The following ATXN2 variants were observed in gnomAD, a reference collection of about 807,000 sequenced individuals.
ATXN2 encodes the protein ataxin 2.
ATXN2 carries 37 observed loss-of-function variants against 138.6 expected under a neutral mutation model. The ratio of observed to expected loss-of-function variants is 0.27; its 90% CI spans 0.21 to 0.35. The LOEUF is 0.35. ATXN2 is among the 10% of genes least tolerant of loss of function. The pLI is 1.00. For missense variants in ATXN2, 1,216 were observed against 1,480.3 expected, an observed-to-expected ratio of 0.82 and a Z score of 2.93; for synonymous variants, 549 against 543.7, an observed-to-expected ratio of 1.01 and a Z score of -0.13.
intron 1 of ATXN2, among the ~76,000 whole-genome samples, chr12:111,556,409 C>G (rs1221852842): frequency 6.6e-6 from 1 of 152,062 alleles, no homozygotes; most frequent in Non-Finnish European, 1.5e-5. Context: ...AGTAACCAAT[C>G]ACTGTTATAA....
intron 1 of ATXN2, among the ~76,000 whole-genome samples, chr12:111,556,689 G>A (rs1471181633): frequency 2.6e-5 from 4 of 151,808 alleles, no homozygotes; most frequent in African/African-American, 4.8e-5. Context: ...GGTGGCATGC[G>A]CCTGTAGTCC....
At chr12:111,470,086 A>G (rs1405507811) in intron 20 of ATXN2, 22 bp downstream of exon 20, 1 of 1,611,164 alleles carries the variant, frequency 6.2e-7, no homozygotes, top group Non-Finnish European at 8.5e-7. Context: ...ACACTGGAAG[A>G]GACAAACAAA....
chr12:111,469,896 G>C (rs1876282062), intron 20 of ATXN2: 3 of 519,264 alleles, frequency 5.8e-6, no homozygotes, highest in South Asian at 4.0e-5. Context: ...AGTTAAAGCA[G>C]GAAAGAGATC....
At chr12:111,456,302 A>G in intron 22 of ATXN2, 46 bp from the exon 23 acceptor site, 1 of 1,602,056 alleles carries the variant, frequency 6.2e-7, no homozygotes, top group Non-Finnish European at 8.5e-7. Context: ...TCTTTAATGA[A>G]AAGCAGCCAA....
chr12:111,508,441 CTTTTTTTTTTTT>C (rs66643315), intron 14 of ATXN2, among the ~76,000 whole-genome samples: 1 of 85,656 alleles, frequency 1.2e-5, no homozygotes, highest in African/African-American at 5.4e-5. Context: ...AATTGAAAAA[CTTTTTTTTTTTT>C]TTTTTTTTTT....
At position 111,510,550 on chromosome 12, in the gene ATXN2, T is replaced by G. The variant is rs1302211161; in HGVS notation, c.1591A>C (p.Arg531=). ...CCAATACTGTTCTGTCTGGGAGACC[T>G]GGGTCTATGAGTTTTAGGGGATAAT... ...PRLSPKTHRP[R]SPRQNSIGNT... The change falls in exon 12 of 25, where the codon AGG becomes CGG. Residue 531 remains arginine, a synonymous_variant. Transcript: ENST00000673436. The G allele has an allele frequency of 1.9e-6, 3 of 1,613,578 alleles. No individual in the cohort carries two copies. The highest frequency in any genetic ancestry group is 2.5e-6 in the Non-Finnish European group (3 of 1,179,708).
intron 18 of ATXN2, among the ~76,000 whole-genome samples, chr12:111,478,852 C>CA (rs1877012910): frequency 6.7e-6 from 1 of 149,540 alleles, no homozygotes; most frequent in African/African-American, 2.5e-5. Context: ...ACTAAAAATA[C>CA]AAAAAAATTA....
intron 1 of ATXN2, among the ~76,000 whole-genome samples, chr12:111,593,530 G>A (rs890315591): frequency 6.6e-6 from 1 of 151,054 alleles, no homozygotes; most frequent in Non-Finnish European, 1.5e-5. Context: ...ACCAAAAAAA[G>A]GAACACCATG....
Position 111,599,052 on chromosome 12 carries a change from C to G in ATXN2, c.-18G>C, listed in dbSNP as rs1369040689. The G allele has an allele frequency of 6.9e-7, 1 of 1,452,930 alleles. No individual in the cohort carries two copies. 90.0% of individuals were successfully genotyped at this position (1,452,930 alleles called of 1,614,324 possible). Reference sequence around the variant, plus strand: ...AGCGACATGGTGAGGGGCCCATACACCGGCTCGCACGCCGGGCGGGGACAG... The same window carrying G: ...AGCGACATGGTGAGGGGCCCATACAGCGGCTCGCACGCCGGGCGGGGACAG... On this transcript the variant is annotated 5_prime_UTR_variant, in exon 1 of 25. Coordinates refer to ENST00000673436, the MANE Select transcript of ATXN2 (RefSeq NM_001372574.1).
At chr12:111,546,150 A>G (rs1246607174) in intron 5 of ATXN2, among the ~76,000 whole-genome samples, 2 of 152,208 alleles carry the variant, frequency 1.3e-5, no homozygotes, top group African/African-American at 2.4e-5. Context: ...ATGGTCATGA[A>G]TAAGAATCGC....
chr12:111,482,475 G>A (rs1169506440), intron 18 of ATXN2, among the ~76,000 whole-genome samples: 7 of 152,062 alleles, frequency 4.6e-5, no homozygotes, highest in Admixed American at 6.6e-5. Flanking sequence ...TTACAGGCGT[G>A]AGCCACCGTG....
upstream of ATXN2, chr12:111,599,324 G>C: frequency 8.5e-7 from 1 of 1,175,808 alleles, no homozygotes; most frequent in Non-Finnish European, 1.0e-6. Flanking sequence ...CTGCCGGGAG[G>C]GAGGGGGGCC....
chr12:111,463,064 A>C (rs1479526546), intron 21 of ATXN2, among the ~76,000 whole-genome samples: 1 of 152,134 alleles, frequency 6.6e-6, no homozygotes, highest in African/African-American at 2.4e-5. Flanking sequence ...TAATTAACAA[A>C]GATTTAAGGT....
At chr12:111,543,322 G>A (rs962958139) in intron 5 of ATXN2, among the ~76,000 whole-genome samples, 3 of 152,280 alleles carry the variant, frequency 2.0e-5, no homozygotes, top group South Asian at 2.1e-4. Flanking sequence ...ACAACCATAT[G>A]AGAACACAAC....
intron 11 of ATXN2, chr12:111,512,680 T>G (rs1879611426): frequency 6.6e-6 from 1 of 152,012 alleles, no homozygotes; most frequent in African/African-American, 2.4e-5. Flanking sequence ...ATGGTCTCGA[T>G]CTCCTGACCT....
At chr12:111,519,760 T>C (rs974971707) in intron 8 of ATXN2, 119 bp downstream of exon 8, 8 of 1,510,754 alleles carry the variant, frequency 5.3e-6, no homozygotes, top group Non-Finnish European at 6.2e-6. Context: ...AAACCAATTC[T>C]ACTTGCATTC....
chr12:111,585,814 A>C (rs1884293441), intron 1 of ATXN2, among the ~76,000 whole-genome samples: 2 of 150,270 alleles, frequency 1.3e-5, no homozygotes, highest in South Asian at 4.2e-4. Context: ...AAAAAAAAAA[A>C]AAAAAAAAAA....
In ATXN2 at chr12:111,597,961, G is replaced by A. The variant is rs935825572; in HGVS notation, c.251+823C>T. On this transcript the variant is annotated intron_variant, in intron 1 of 24. Transcript: ENST00000673436. ...CTCCACTGCGGCCTCGAACAGCAAT[G>A]CGGATCGGCCACCACCCGCGCGCCG... 5 of 1,233,266 alleles carry A rather than the reference G, an allele frequency of 4.1e-6. No homozygotes were observed. In the African/African-American group the frequency reaches 6.2e-5, roughly 15 times the overall value. The allele number at this position is 1,233,266 out of a possible 1,614,324, so 76.4% of individuals were successfully genotyped here.
At chr12:111,567,731 T>C (rs1883093657) in intron 1 of ATXN2, among the ~76,000 whole-genome samples, 1 of 151,426 alleles carries the variant, frequency 6.6e-6, no homozygotes, top group Non-Finnish European at 1.5e-5. Flanking sequence ...AGAGAATCGC[T>C]TCAACTCAGG....
Sources: allele counts gnomAD v4.1 joint callset (sites outside exome capture counted in the v4.1 genomes callset), GRCh38; gene constraint gnomAD v4.1.1; transcripts MANE v1.5; gene names NCBI Gene and HGNC (gene_info 2026-07-23, HGNC 2026-07-21).